Variants in OPHN1 observed in about 807,000 individuals in gnomAD.
OPHN1 encodes oligophrenin 1.
OPHN1 carries 11 observed loss-of-function variants against 60.7 expected under a neutral mutation model. The observed-to-expected ratio is 0.18, with a 90% CI of 0.11 to 0.30. The LOEUF (loss-of-function observed/expected upper bound fraction) is 0.30, where lower values mean the gene tolerates loss of function less well. Ranked by LOEUF, OPHN1 falls within the 10% of genes least tolerant of loss-of-function variation. The probability of loss-of-function intolerance (pLI) is 1.00; values close to 1 mark genes in which losing one functional copy is unlikely to be tolerated. For synonymous variants in OPHN1, 226 were observed against 222.6 expected (o/e 1.02, Z -0.14); for missense variants, 449 against 611.0 (o/e 0.73, Z 2.80).
intron 2 of OPHN1, among the ~76,000 whole-genome samples, chrX:68,338,148 A>C (rs1156658497): frequency 8.9e-6 from 1 of 111,753 alleles, no homozygotes; most frequent in Non-Finnish European, 1.9e-5. Context: ...GTGAGCCACC[A>C]CGCCCAGCCA....
At chrX:68,300,608 A>G (rs749037888) in intron 2 of OPHN1, among the ~76,000 whole-genome samples, 1 of 112,618 alleles carries the variant, frequency 8.9e-6, no homozygotes, top group Admixed American at 9.4e-5. Flanking sequence ...CTTTCACAGT[A>G]CATCAGCAAC....
chrX:68,353,716 T>C (rs2147707602), intron 2 of OPHN1, among the ~76,000 whole-genome samples: 1 of 112,264 alleles, frequency 8.9e-6, no homozygotes, highest in South Asian at 3.6e-4. Context: ...TTATAATTAT[T>C]TCTCATATTA....
intron 16 of OPHN1, among the ~76,000 whole-genome samples, chrX:68,114,062 A>G (rs1161637175): frequency 9.0e-6 from 1 of 110,712 alleles, no homozygotes; most frequent in African/African-American, 3.3e-5. Context: ...GAATAGAAAT[A>G]GTCCAAACCT....
chrX:68,390,351 C>T (rs900200993), intron 2 of OPHN1, among the ~76,000 whole-genome samples: 8 of 111,588 alleles, frequency 7.2e-5, no homozygotes, highest in South Asian at 3.8e-4. Context: ...GTAATTCTAA[C>T]GCTATGGGAG....
chrX:68,350,478 C>CCTTTCCTCCTTT (rs1482178030), intron 2 of OPHN1, among the ~76,000 whole-genome samples: 9 of 69,864 alleles, frequency 1.3e-4, no homozygotes, highest in East Asian at 5.1e-4. Flanking sequence ...CTTCCTCCCT[C>CCTTTCCTCCTTT]CCTCCCTTCC....
chrX:68,400,931 C>T (rs1379541109), intron 2 of OPHN1, among the ~76,000 whole-genome samples: 1 of 111,381 alleles, frequency 9.0e-6, no homozygotes, highest in South Asian at 3.8e-4. Context: ...GTTATTTTTT[C>T]TTTCAGGCAC....
intron 21 of OPHN1, among the ~76,000 whole-genome samples, chrX:68,061,047 A>G (rs2076891027): frequency 8.9e-6 from 1 of 111,776 alleles, no homozygotes; most frequent in Admixed American, 9.5e-5. Flanking sequence ...ACTATACCAG[A>G]GGTTTGGGGG....
chrX:68,243,450 C>T (rs1420041959), intron 5 of OPHN1, among the ~76,000 whole-genome samples: 1 of 111,686 alleles, frequency 9.0e-6, no homozygotes, highest in Non-Finnish European at 1.9e-5. Context: ...TGCAGTGGCA[C>T]GATCTCAGCT....
intron 7 of OPHN1, among the ~76,000 whole-genome samples, chrX:68,212,655 G>A (rs778365060): frequency 1.2e-4 from 14 of 112,343 alleles, no homozygotes; most frequent in East Asian, 5.6e-4. Flanking sequence ...AGCGCTAAAC[G>A]CAGTCAAACA....
chrX:68,064,816 A>G (rs1357106188), intron 20 of OPHN1, among the ~76,000 whole-genome samples: 2 of 111,953 alleles, frequency 1.8e-5, no homozygotes, highest in African/African-American at 6.5e-5. Context: ...CTAATTTTTT[A>G]GTGATTCACA....
At chrX:68,251,180 G>A (rs963146084) in intron 5 of OPHN1, among the ~76,000 whole-genome samples, 1 of 45,756 alleles carries the variant, frequency 2.2e-5, no homozygotes, top group Non-Finnish European at 3.7e-5. Context: ...CTCCTCAAAT[G>A]TTTTTTTTTT....
intron 15 of OPHN1, among the ~76,000 whole-genome samples, chrX:68,162,504 T>TA (rs1198724380): frequency 9.1e-6 from 1 of 110,338 alleles, no homozygotes; most frequent in Non-Finnish European, 1.9e-5. Flanking sequence ...CTGGATAGTA[T>TA]AAAAAACGTA....
chrX:68,096,989 T>G lies in OPHN1; in HGVS notation c.1567A>C (p.Asn523His). 1 of 1,210,260 alleles carries G rather than the reference T, an allele frequency of 8.3e-7. No homozygotes were observed. Among genetic ancestry groups the G allele is most frequent in the Non-Finnish European group, 1.1e-6 (1 of 894,807 alleles). Residue 523 changes from asparagine (N) to histidine (H), a missense_variant, in exon 19 of 25, where the codon AAC becomes CAC. Asn to His is a moderately conservative substitution (Grantham distance 68). Transcript: ENST00000355520. ...HSKENLMTPS[N>H]MGVIFGPTLM... ...GTGGGCCCAAAGATTACTCCCATGT[T>G]GGAGGGGGTCATAAGATTCTCTTTG...
intron 2 of OPHN1, among the ~76,000 whole-genome samples, chrX:68,312,149 G>T (rs2078176975): frequency 9.7e-6 from 1 of 103,568 alleles, no homozygotes; most frequent in African/African-American, 3.6e-5. Context: ...GCCCCAGCTG[G>T]AGTATACTGG....
chrX:68,399,520 T>G lies in OPHN1; in HGVS notation c.154+33347A>C, dbSNP rs1245749220. ...ACAAAATAAATAAATAAATAAAAATTAGCTGGGCGTGGTGGCACATGCCTG... is the reference window on the plus strand; with the variant it reads ...ACAAAATAAATAAATAAATAAAAATGAGCTGGGCGTGGTGGCACATGCCTG... On this transcript the variant is annotated intron_variant, in intron 2 of 24. Transcript: ENST00000355520. Among the ~76,000 whole-genome samples, 6 of 110,466 alleles carry G rather than the reference T, an allele frequency of 5.4e-5. No individual in the cohort carries two copies. The East Asian group carries it at 1.7e-3, about 32-fold the overall frequency.
At chrX:68,245,796 A>T (rs2077802944) in intron 5 of OPHN1, among the ~76,000 whole-genome samples, 1 of 111,887 alleles carries the variant, frequency 8.9e-6, no homozygotes, top group African/African-American at 3.2e-5. Context: ...ATCTTTATTT[A>T]TTATTTATTT....
At chrX:68,223,679 C>T (rs754651997) in intron 6 of OPHN1, among the ~76,000 whole-genome samples, 2 of 111,017 alleles carry the variant, frequency 1.8e-5, no homozygotes, top group South Asian at 3.8e-4. Flanking sequence ...AACACTTATA[C>T]CCCTAAACCT....
Position 68,365,988 on chromosome X carries a change from AAAAC to A in OPHN1, c.154+66875_154+66878del, listed in dbSNP as rs747876899. On this transcript the variant is annotated intron_variant, in intron 2 of 24. Coordinates refer to ENST00000355520, the MANE Select transcript of OPHN1 (RefSeq NM_002547.3). ...TCAGCAACTTTTTCTCCAAAAAAAA[AAAAC>A]AAATTCCTCCTATTCTTCTCACTTT... is the stretch of plus-strand genomic sequence containing the variant. Among the ~76,000 whole-genome samples, 29 of 110,105 alleles carry A rather than the reference AAAAC, an allele frequency of 2.6e-4. No homozygotes were observed. In the East Asian group the frequency reaches 5.5e-3, roughly 21 times the overall value.
intron 5 of OPHN1, among the ~76,000 whole-genome samples, chrX:68,264,882 C>T (rs1378736187): frequency 8.9e-6 from 1 of 112,693 alleles, no homozygotes; most frequent in Non-Finnish European, 1.9e-5. Flanking sequence ...GAGATTATAT[C>T]CCATGCATGG....
Sources: allele counts gnomAD v4.1 joint callset (sites outside exome capture counted in the v4.1 genomes callset), GRCh38; gene constraint gnomAD v4.1.1; transcripts MANE v1.5; gene names NCBI Gene and HGNC (gene_info 2026-07-23, HGNC 2026-07-21).